The following TTC8 variants were observed in gnomAD, a reference collection of about 807,000 sequenced individuals.
TTC8 encodes the protein tetratricopeptide repeat protein 8.
A neutral mutation model predicts 72.5 loss-of-function variants in TTC8; 47 were observed. The observed-to-expected ratio is 0.65, with a 90% CI of 0.51 to 0.83. The LOEUF (loss-of-function observed/expected upper bound fraction) is 0.83. Among genes scored for constraint, TTC8 ranks in the 40% least tolerant of loss-of-function variants. The probability of loss-of-function intolerance (pLI) is 0.00; values close to 1 mark genes in which losing one functional copy is unlikely to be tolerated. For synonymous variants in TTC8, 199 were observed against 221.4 expected, an observed-to-expected ratio of 0.90 and a Z score of 0.90; for missense variants, 611 against 623.2, an observed-to-expected ratio of 0.98 and a Z score of 0.21.
chr14:88,857,265 G>A lies in TTC8; in HGVS notation c.786G>A (p.Leu262=), dbSNP rs2094861022. The change falls in exon 9 of 15, where the codon CTG becomes CTA. Residue 262 remains leucine, a synonymous_variant. Transcript: ENST00000380656. The stretch of plus-strand genomic sequence containing the variant: ...AGCAGGAAATGGTAGATACATTTCT[G>A]TACTTGGCAAAAGTAAGTAAATCTT... The part of the protein sequence containing the change: ...LKQQEMVDTF[L]YLAKVYVSLD... 6.2e-7 allele frequency: 1 copy of A among 1,613,574 alleles called. No homozygotes were observed. Among genetic ancestry groups the A allele is most frequent in the Non-Finnish European group, 8.5e-7 (1 of 1,179,652 alleles).
At chr14:88,844,905 T>C (rs779002432) in intron 7 of TTC8, among the ~76,000 whole-genome samples, 14 of 152,030 alleles carry the variant, frequency 9.2e-5, no homozygotes, top group Admixed American at 3.9e-4. Flanking sequence ...GGAGAACTAA[T>C]AAAAAATATG....
chr14:88,843,375 C>T (rs200749363), intron 6 of TTC8, among the ~76,000 whole-genome samples: 1 of 152,112 alleles, frequency 6.6e-6, no homozygotes, highest in East Asian at 1.9e-4. Flanking sequence ...GGAAAAATAG[C>T]TTTAAAAATT....
At chr14:88,863,879 C>T (rs1220734588) in intron 10 of TTC8, among the ~76,000 whole-genome samples, 2 of 152,182 alleles carry the variant, frequency 1.3e-5, no homozygotes, top group African/African-American at 4.8e-5. Flanking sequence ...CATAGGTCCT[C>T]TTGGATATTC....
intron 6 of TTC8, among the ~76,000 whole-genome samples, chr14:88,843,414 T>TA (rs2094791343): frequency 6.6e-6 from 1 of 152,244 alleles, no homozygotes; most frequent in African/African-American, 2.4e-5. Context: ...TTTACCCTTG[T>TA]ACTCTACTTT....
At chr14:88,877,996 A>G (rs1368258228), downstream of TTC8, 2 of 152,162 alleles carry the variant, frequency 1.3e-5, no homozygotes, top group East Asian at 1.9e-4. Flanking sequence ...CCATCATTTC[A>G]TTATTTTTTA....
intron 2 of TTC8, among the ~76,000 whole-genome samples, chr14:88,836,016 A>G (rs185751738): frequency 6.6e-6 from 1 of 152,336 alleles, no homozygotes; most frequent in African/African-American, 2.4e-5. Context: ...ACTCAGGAAG[A>G]TTAATTTTCT....
chr14:88,866,649 AACTT>A (rs749084960), intron 10 of TTC8, among the ~76,000 whole-genome samples: 1 of 152,116 alleles, frequency 6.6e-6, no homozygotes, highest in Non-Finnish European at 1.5e-5. Flanking sequence ...TATTTGGAAG[AACTT>A]AATTAACCAT....
rs772733868 is a variant in TTC8 at position 88,871,652 on chromosome 14, C to G, written c.1153C>G (p.Arg385Gly). ...QYDMTLTSFE[R>G]ALSLAENEEE... ...TGATATGACTCTGACCTCATTTGAA[C>G]GTGCCCTTTCTTTGGCTGAAAATGA... Residue 385 changes from arginine to glycine, a missense_variant, in exon 12 of 15, where the codon CGT becomes GGT. Arg to Gly is a moderately radical substitution (Grantham distance 125). Coordinates refer to ENST00000380656, the MANE Select transcript of TTC8 (RefSeq NM_144596.4). This position sits in a 1 kb window ranked among gnomAD's most constrained non-coding sequence, Gnocchi z 4.1. 1.9e-6 allele frequency: 3 copies of G among 1,613,970 alleles called. No homozygotes were observed. Among genetic ancestry groups the G allele is most frequent in the Non-Finnish European group, 2.5e-6 (3 of 1,180,008 alleles).
chr14:88,853,414 A>C (rs944341148), intron 8 of TTC8, among the ~76,000 whole-genome samples: 2 of 152,170 alleles, frequency 1.3e-5, no homozygotes, highest in Admixed American at 6.6e-5. Flanking sequence ...TTGGTAATCA[A>C]ATCTTTTTAT....
chr14:88,839,310 C>G (rs2094768469), intron 2 of TTC8, 142 bp from the exon 3 acceptor site: 1 of 818,530 alleles, frequency 1.2e-6, no homozygotes, highest in Non-Finnish European at 1.8e-6. Flanking sequence ...TGACATGGCC[C>G]TTTAAATTAA....
At chr14:88,842,516 G>C (rs2094786506) in intron 6 of TTC8, among the ~76,000 whole-genome samples, 1 of 152,146 alleles carries the variant, frequency 6.6e-6, no homozygotes, top group Admixed American at 6.5e-5. Context: ...TATGAGAGTG[G>C]AGTAGTGAAA....
chr14:88,838,845 G>A (rs1412933958), intron 2 of TTC8, among the ~76,000 whole-genome samples: 4 of 151,940 alleles, frequency 2.6e-5, no homozygotes, highest in African/African-American at 4.8e-5. Context: ...TATTGGAATC[G>A]GATAAATTGA....
At chr14:88,826,715 A>G (rs980476858) in intron 1 of TTC8, among the ~76,000 whole-genome samples, 17 of 152,134 alleles carry the variant, frequency 1.1e-4, no homozygotes, top group African/African-American at 4.1e-4. Context: ...TGTCTCAAAA[A>G]AAGAACCTTT....
chr14:88,875,383 CACTT>C (rs2094953277), intron 14 of TTC8, among the ~76,000 whole-genome samples: 4 of 152,090 alleles, frequency 2.6e-5, no homozygotes, highest in South Asian at 2.1e-4. Context: ...AAGAAATACT[CACTT>C]AATAACTCCT....
At chr14:88,826,035 T>G (rs2094698520) in intron 1 of TTC8, among the ~76,000 whole-genome samples, 4 of 151,986 alleles carry the variant, frequency 2.6e-5, no homozygotes. Flanking sequence ...CAGGCTGGAG[T>G]GCAGTGGCAC....
At chr14:88,875,575 A>G (rs1336703699) in intron 14 of TTC8, among the ~76,000 whole-genome samples, 1 of 152,210 alleles carries the variant, frequency 6.6e-6, no homozygotes, top group African/African-American at 2.4e-5. Flanking sequence ...CAAGTCAGTT[A>G]GTATCCGAAA....
At position 88,871,307 on chromosome 14, in the gene TTC8, T is replaced by A. The variant is rs2141035989; in HGVS notation, c.1050-242T>A. Among the ~76,000 whole-genome samples, 1 of 152,356 alleles carries A rather than the reference T, an allele frequency of 6.6e-6. No individual in the cohort carries two copies. Among genetic ancestry groups the A allele is most frequent in the African/African-American group, 2.4e-5 (1 of 41,586 alleles). ...CTAACAAAGCATTTGGGGAGAAAAC[T>A]TAGATCAGTTGTTTGTCTTTGTCTC... is the stretch of plus-strand genomic sequence containing the variant. On this transcript the variant is annotated intron_variant, in intron 11 of 14. Transcript: ENST00000380656. The surrounding 1 kb of genome is among the most constrained non-coding windows in gnomAD (Gnocchi z 4.1).
intron 7 of TTC8, among the ~76,000 whole-genome samples, chr14:88,849,479 C>G (rs1336063790): frequency 6.6e-6 from 1 of 151,996 alleles, no homozygotes; most frequent in East Asian, 1.9e-4. Context: ...GGGTGGCCTC[C>G]AAATTTCTCT....
intron 7 of TTC8, among the ~76,000 whole-genome samples, chr14:88,850,804 C>T (rs986070401): frequency 3.3e-5 from 5 of 152,172 alleles, no homozygotes; most frequent in African/African-American, 4.8e-5. Flanking sequence ...TGCGTGACCT[C>T]GGTCTGGGGA....
Sources: gnomAD v4.1 joint callset for allele counts (sites outside exome capture counted in the v4.1 genomes callset) on GRCh38, gnomAD v4.1.1 for gene constraint, Gnocchi (gnomAD v3.1) non-coding constraint, MANE v1.5 for transcripts, NCBI Gene and HGNC (gene_info 2026-07-23, HGNC 2026-07-21) for gene names.